The following ERC1 variants were observed in gnomAD, a reference collection of about 807,000 sequenced individuals.
The protein encoded by ERC1 is ELKS/RAB6-interacting/CAST family member 1.
Under a neutral mutation model 132.0 loss-of-function variants are expected in ERC1, and 56 were observed. That is an observed-to-expected ratio of 0.42 (90% CI 0.34 to 0.53). The LOEUF (loss-of-function observed/expected upper bound fraction) is 0.53, where lower values mean the gene tolerates loss of function less well. Among genes scored for constraint, ERC1 ranks in the 20% least tolerant of loss-of-function variants. The pLI is 0.03. For synonymous variants in ERC1, 478 were observed against 476.1 expected, an observed-to-expected ratio of 1.00 and a Z score of -0.05; for missense variants, 1,202 against 1,349.9, an observed-to-expected ratio of 0.89 and a Z score of 1.72.
In ERC1 at chr12:1,065,480, T is replaced by TTGTGTGTGTGTGTGTG. The variant is rs71293132; in HGVS notation, c.670-17658_670-17643dup. ...TTGTTTTCCTATTTCTTTGTACCGT[T>TTGTGTGTGTGTGTGTG]TGTGTGTGTGTGTGTGTGTGTGTGT... On this transcript the variant is annotated intron_variant, in intron 2 of 18. Coordinates refer to ENST00000360905, the MANE Select transcript of ERC1 (RefSeq NM_178040.4). Among the ~76,000 whole-genome samples the TTGTGTGTGTGTGTGTG allele has an allele frequency of 2.6e-3, 319 of 124,994 alleles. 2 individuals carry two copies. The highest frequency in any genetic ancestry group is 4.2e-3 in the Middle Eastern group (1 of 236). 82.0% of individuals were successfully genotyped at this position (124,994 alleles called of 152,430 possible).
intron 15 of ERC1, among the ~76,000 whole-genome samples, chr12:1,342,321 G>A (rs949607690): frequency 6.6e-6 from 1 of 151,922 alleles, no homozygotes; most frequent in African/African-American, 2.4e-5. Flanking sequence ...ACAAAAATTA[G>A]CTGGGCATGG....
At chr12:1,250,477 TTTC>T (rs1208627733) in intron 13 of ERC1, among the ~76,000 whole-genome samples, 1 of 152,216 alleles carries the variant, frequency 6.6e-6, no homozygotes, top group Non-Finnish European at 1.5e-5. Context: ...TACTTTAAAA[TTTC>T]TTTTTAGTTT....
At chr12:1,257,344 C>T (rs1034245078) in intron 13 of ERC1, 1 of 152,156 alleles carries the variant, frequency 6.6e-6, no homozygotes, top group African/African-American at 2.4e-5. Flanking sequence ...GTTCTTGACC[C>T]ACACAAACTG....
chr12:1,027,861 T>C lies in ERC1; in HGVS notation c.-43T>C, dbSNP rs771721336. 1.1e-5 allele frequency: 16 copies of C among 1,520,548 alleles called. No individual in the cohort carries two copies. Among genetic ancestry groups the C allele is most frequent in the Admixed American group, 2.0e-5 (1 of 49,378 alleles). The allele number at this position is 1,520,548 out of a possible 1,614,324, so 94.2% of individuals were successfully genotyped here. A position where few individuals can be genotyped will look rare whatever the true frequency, so the allele number is the denominator to read the frequency against. ...CACAAGGTTCCCATTTTTGTTGTTG[T>C]TGTTGTTGATTTTCTGCTCACACCT... is the stretch of plus-strand genomic sequence containing the variant. On this transcript the variant is annotated 5_prime_UTR_variant, in exon 2 of 19. Transcript: ENST00000360905.
At chr12:996,249 C>CTT (rs35403554) in intron 1 of ERC1, among the ~76,000 whole-genome samples, 2,143 of 43,746 alleles carry the variant, frequency 0.049, 429 homozygotes, top group Admixed American at 0.065. Flanking sequence ...CCATGCCTGG[C>CTT]TTTTTTTTTT....
intron 14 of ERC1, among the ~76,000 whole-genome samples, chr12:1,286,293 C>CAA (rs71293127): frequency 0.28 from 22,726 of 80,846 alleles, 3,093 homozygotes; most frequent in Non-Finnish European, 0.36. Flanking sequence ...GACTCCATCT[C>CAA]AAAAAAAAAA....
chr12:1,214,480 TATAAAC>T (rs1958182442), intron 12 of ERC1, among the ~76,000 whole-genome samples: 1 of 152,136 alleles, frequency 6.6e-6, no homozygotes, highest in Non-Finnish European at 1.5e-5. Context: ...TAGAGTTAGA[TATAAAC>T]ATATAACACA....
chr12:1,347,602 A>G (rs2084600199), intron 15 of ERC1, among the ~76,000 whole-genome samples: 2 of 152,364 alleles, frequency 1.3e-5, no homozygotes, highest in South Asian at 2.1e-4. Context: ...AAGAAAATAC[A>G]GTATAAATTT....
chr12:1,473,953 C>T (rs1274206475), intron 18 of ERC1, among the ~76,000 whole-genome samples: 1 of 152,210 alleles, frequency 6.6e-6, no homozygotes, highest in Admixed American at 6.5e-5. Flanking sequence ...TTCCAGATCC[C>T]TCTGACTGTG....
intron 1 of ERC1, among the ~76,000 whole-genome samples, chr12:1,023,034 C>G (rs1293542851): frequency 1.3e-5 from 2 of 152,188 alleles, no homozygotes; most frequent in African/African-American, 4.8e-5. Context: ...CTTCTTGAGG[C>G]CTCCCCAGCC....
chr12:1,192,718 C>T (rs763595269), intron 12 of ERC1, among the ~76,000 whole-genome samples: 2 of 152,164 alleles, frequency 1.3e-5, no homozygotes, highest in African/African-American at 4.8e-5. Context: ...AGTAAGGTTA[C>T]AGTCTTATAC....
At chr12:1,166,719 T>A (rs1952460667) in intron 8 of ERC1, among the ~76,000 whole-genome samples, 1 of 152,234 alleles carries the variant, frequency 6.6e-6, no homozygotes, top group Non-Finnish European at 1.5e-5. Context: ...AAACTAACCT[T>A]GCATTCCTGG....
At chr12:1,218,026 C>T (rs761141172) in intron 12 of ERC1, among the ~76,000 whole-genome samples, 1 of 152,186 alleles carries the variant, frequency 6.6e-6, no homozygotes, top group Non-Finnish European at 1.5e-5. Context: ...ATTAAGAGGA[C>T]TATTAGATTT....
chr12:1,448,779 C>T (rs2093362664), intron 18 of ERC1, among the ~76,000 whole-genome samples: 1 of 152,250 alleles, frequency 6.6e-6, no homozygotes, highest in Non-Finnish European at 1.5e-5. Context: ...AGCCCCTACA[C>T]AGTCCCCACT....
At chr12:1,387,690 A>T (rs2089522642) in intron 16 of ERC1, among the ~76,000 whole-genome samples, 1 of 152,208 alleles carries the variant, frequency 6.6e-6, no homozygotes, top group Non-Finnish European at 1.5e-5. Flanking sequence ...AAAAGAGGCA[A>T]GGAAGGATGC....
intron 6 of ERC1, among the ~76,000 whole-genome samples, chr12:1,114,635 A>G (rs1191627086): frequency 6.6e-6 from 1 of 152,204 alleles, no homozygotes; most frequent in Non-Finnish European, 1.5e-5. Context: ...ATATCATAAA[A>G]GACTCCACGT....
At chr12:1,093,960 T>TATATATATATATATATATATATAC (rs1943631496) in intron 3 of ERC1, among the ~76,000 whole-genome samples, 1 of 110,724 alleles carries the variant, frequency 9.0e-6, no homozygotes, top group Non-Finnish European at 1.9e-5. Context: ...TATTTTTCTA[T>TATATATATATATATATATATATAC]ATATATATAT....
intron 7 of ERC1, among the ~76,000 whole-genome samples, chr12:1,119,875 T>G (rs1165249690): frequency 1.3e-5 from 2 of 152,140 alleles, no homozygotes; most frequent in African/African-American, 4.8e-5. Context: ...TCTTTAAGCC[T>G]CCATTTCCTC....
intron 8 of ERC1, among the ~76,000 whole-genome samples, chr12:1,145,232 G>T (rs1051788376): frequency 2.0e-5 from 3 of 152,078 alleles, no homozygotes; most frequent in African/African-American, 7.2e-5. Flanking sequence ...GGCCAGGCTG[G>T]TCTTGAACTC....
Sources: allele counts gnomAD v4.1 joint callset (sites outside exome capture counted in the v4.1 genomes callset), GRCh38; gene constraint gnomAD v4.1.1; transcripts MANE v1.5; gene names NCBI Gene and HGNC (gene_info 2026-07-23, HGNC 2026-07-21).